CCDC63: variants seen among roughly 807,000 people sequenced by gnomAD.
CCDC63 encodes coiled-coil domain-containing protein 63.
A neutral mutation model predicts 63.6 loss-of-function variants in CCDC63; 54 were observed. The ratio of observed to expected loss-of-function variants is 0.85; its 90% confidence interval spans 0.68 to 1.07. The LOEUF (loss-of-function observed/expected upper bound fraction) is 1.07, where lower values mean the gene tolerates loss of function less well. Among genes scored for constraint, CCDC63 ranks in the 50% least tolerant of loss-of-function variants. The pLI is 0.00. For synonymous variants in CCDC63, 253 were observed against 266.1 expected (o/e 0.95, Z 0.48); for missense variants, 637 against 689.6 (o/e 0.92, Z 0.86).
At chr12:110,887,587 C>T (rs981976834) in intron 8 of CCDC63, among the ~76,000 whole-genome samples, 1 of 152,044 alleles carries the variant, frequency 6.6e-6, no homozygotes, top group Non-Finnish European at 1.5e-5. Context: ...ACCTTTTTGC[C>T]TTCTTCTGGC....
At position 110,898,977 on chromosome 12, in the gene CCDC63, C is replaced by A. The variant is rs774692320; in HGVS notation, c.1194C>A (p.Ser398Arg). ...KTTEEADMYE[S>R]KYGEVSKTLD... ...CGGAGGAGGCAGATATGTATGAGAGCAAGTACGGGGAGGTCAGCAAGACCT... is the reference window on the plus strand; with the variant it reads ...CGGAGGAGGCAGATATGTATGAGAGAAAGTACGGGGAGGTCAGCAAGACCT... Residue 398 changes from serine (S) to arginine (R), a missense_variant, in exon 10 of 12, where the codon AGC becomes AGA. By Grantham distance (110) the Ser-to-Arg change is moderately radical. Transcript: ENST00000308208. The A allele has an allele frequency of 3.1e-6, 5 of 1,611,872 alleles. No individual in the cohort carries two copies. The highest frequency in any genetic ancestry group is 4.2e-6 in the Non-Finnish European group (5 of 1,179,106).
At chr12:110,880,963 G>T in intron 6 of CCDC63, 152 bp from the exon 7 acceptor site, 1 of 620,592 alleles carries the variant, frequency 1.6e-6, no homozygotes, top group South Asian at 2.6e-5. Context: ...TGTTGTTCAG[G>T]TAAGGAGGAT....
rs970299470 is a variant in CCDC63, at chr12:110,889,207, C to G, written c.1075-3869C>G. Among the ~76,000 whole-genome samples, 3 of 152,180 alleles carry G rather than the reference C, an allele frequency of 2.0e-5. No individual in the cohort carries two copies. The highest frequency in any genetic ancestry group is 2.9e-5 in the Non-Finnish European group (2 of 68,046). On this transcript the variant is annotated intron_variant, in intron 8 of 11. Transcript: ENST00000308208. The surrounding 1 kb of genome is among the most constrained non-coding windows in gnomAD (Gnocchi z 4.1). ...CCAGCAAGTATTTATTGAGCACCTA[C>G]TGCGTTCCAGACACTGCTCTAGACC...
intron 1 of CCDC63, among the ~76,000 whole-genome samples, chr12:110,848,154 A>G (rs1287756054): frequency 6.6e-6 from 1 of 152,218 alleles, no homozygotes; most frequent in Non-Finnish European, 1.5e-5. Flanking sequence ...AGAAAATGTG[A>G]GAATTGTGGG....
chr12:110,904,173 G>C lies in CCDC63; in HGVS notation c.1343-415G>C, dbSNP rs371936250. ...GAGTTCAAGATCAGCCAGACACAGT[G>C]TCTATAAAAAATACAAAAATTAGCT... On this transcript the variant is annotated intron_variant, in intron 10 of 11. Transcript: ENST00000308208. 2.0e-5 allele frequency among the ~76,000 whole-genome samples: 3 copies of C among 151,982 alleles called. No homozygotes were observed. The East Asian group carries it at 5.8e-4, about 29-fold the overall frequency.
chr12:110,865,371 T>G (rs1181763704), intron 4 of CCDC63, among the ~76,000 whole-genome samples: 1 of 149,038 alleles, frequency 6.7e-6, no homozygotes, highest in African/African-American at 2.5e-5. Flanking sequence ...CAGGATGGAT[T>G]AAGCCTGGTG....
At chr12:110,860,317 G>A (rs1402383159) in intron 4 of CCDC63, among the ~76,000 whole-genome samples, 1 of 152,142 alleles carries the variant, frequency 6.6e-6, no homozygotes, top group Non-Finnish European at 1.5e-5. Flanking sequence ...GGATCCCATG[G>A]CTCCCCACAG....
chr12:110,901,148 A>T (rs1159233363), intron 10 of CCDC63, among the ~76,000 whole-genome samples: 1 of 152,152 alleles, frequency 6.6e-6, no homozygotes, highest in Non-Finnish European at 1.5e-5. Flanking sequence ...AATTTTTTTT[A>T]AATTTTGTGG....
rs923202844 is a variant in CCDC63 at position 110,861,579 on chromosome 12, CT to C, written c.369+2814del. On this transcript the variant is annotated intron_variant, in intron 4 of 11. Transcript: ENST00000308208. ...TCACTTAGGTCTCAGCTCAAATGCTCTTTTTTTTTTGAAACGGAGTCCCACT... is the reference window on the plus strand; with the variant it reads ...TCACTTAGGTCTCAGCTCAAATGCTCTTTTTTTTTGAAACGGAGTCCCACT... Among the ~76,000 whole-genome samples, 74 of 149,326 alleles carry C rather than the reference CT, an allele frequency of 5.0e-4. 1 individual carries two copies. In the South Asian group the frequency reaches 0.015, roughly 30 times the overall value.
chr12:110,845,365 C>G (rs985631144), upstream of CCDC63, among the ~76,000 whole-genome samples: 1 of 152,072 alleles, frequency 6.6e-6, no homozygotes, highest in African/African-American at 2.4e-5. Flanking sequence ...TGGTTTCAGT[C>G]AGGGTGTGGA....
intron 4 of CCDC63, among the ~76,000 whole-genome samples, chr12:110,863,184 C>A (rs1182173082): frequency 6.6e-6 from 1 of 151,762 alleles, no homozygotes; most frequent in Non-Finnish European, 1.5e-5. Context: ...GAAGGGACAC[C>A]AAAGTAGAGC....
At chr12:110,865,537 AAAG>A (rs1285300874) in intron 4 of CCDC63, among the ~76,000 whole-genome samples, 1 of 152,098 alleles carries the variant, frequency 6.6e-6, no homozygotes, top group Non-Finnish European at 1.5e-5. Context: ...GAGATTTCAT[AAAG>A]AAATAAGAGT....
intron 3 of CCDC63, among the ~76,000 whole-genome samples, chr12:110,854,658 C>A (rs2070749456): frequency 1.3e-5 from 2 of 152,108 alleles, no homozygotes; most frequent in African/African-American, 4.8e-5. Flanking sequence ...AAACATTAAG[C>A]AGACTTTCTT....
At chr12:110,860,512 A>G (rs1398075311) in intron 4 of CCDC63, among the ~76,000 whole-genome samples, 2 of 152,218 alleles carry the variant, frequency 1.3e-5, no homozygotes, top group Non-Finnish European at 2.9e-5. Flanking sequence ...CTCAGTAAAC[A>G]TTTACTATTT....
chr12:110,847,786 T>C (rs561091979), intron 1 of CCDC63, among the ~76,000 whole-genome samples: 2 of 152,306 alleles, frequency 1.3e-5, no homozygotes, highest in Non-Finnish European at 2.9e-5. Context: ...TGTCCCAAGG[T>C]CCCTAGGGAA....
chr12:110,868,407 C>G (rs1356455253), intron 4 of CCDC63, among the ~76,000 whole-genome samples: 1 of 150,168 alleles, frequency 6.7e-6, no homozygotes, highest in East Asian at 2.0e-4. Context: ...TTGTAGCGAG[C>G]CGAGATCACG....
At chr12:110,866,603 C>A (rs1202838115) in intron 4 of CCDC63, among the ~76,000 whole-genome samples, 1 of 150,582 alleles carries the variant, frequency 6.6e-6, no homozygotes, top group African/African-American at 2.4e-5. Context: ...TGAGTGGACA[C>A]AGCACATGTT....
chr12:110,899,672 G>A (rs2071461836), intron 10 of CCDC63, among the ~76,000 whole-genome samples: 1 of 151,440 alleles, frequency 6.6e-6, no homozygotes. Flanking sequence ...GACAAAAATG[G>A]GTCTCTTTTA....
At chr12:110,865,464 C>CAAAAAAAAAAAAAAAAGAAAAAAAAAAAA (rs2070930988) in intron 4 of CCDC63, among the ~76,000 whole-genome samples, 1 of 102,368 alleles carries the variant, frequency 9.8e-6, no homozygotes, top group Admixed American at 1.1e-4. Context: ...CAGCATATAC[C>CAAAAAAAAAAAAAAAAGAAAAAAAAAAAA]AAAAAAAAAA....
Sources: gnomAD v4.1 joint callset for allele counts (sites outside exome capture counted in the v4.1 genomes callset) on GRCh38, gnomAD v4.1.1 for gene constraint, Gnocchi (gnomAD v3.1) non-coding constraint, MANE v1.5 for transcripts, NCBI Gene and HGNC (gene_info 2026-07-23, HGNC 2026-07-21) for gene names.